The following GABRG3 variants were observed in gnomAD, a reference collection of about 807,000 sequenced individuals.
GABRG3 encodes the protein gamma-aminobutyric acid type A receptor subunit gamma3, also known as gamma-aminobutyric acid receptor subunit gamma-3.
Under a neutral mutation model 48.8 loss-of-function variants are expected in GABRG3, and 25 were observed. The ratio of observed to expected loss-of-function variants is 0.51; its 90% CI spans 0.37 to 0.72. GABRG3 has a LOEUF of 0.72. GABRG3 is among the 30% of genes least tolerant of loss of function. The pLI, the probability that GABRG3 is intolerant of heterozygous loss-of-function variation, is 0.00. For synonymous variants in GABRG3, 227 were observed against 217.6 expected (o/e 1.04, Z -0.38); for missense variants, 394 against 577.9 (o/e 0.68, Z 3.26).
intron 3 of GABRG3, among the ~76,000 whole-genome samples, chr15:27,037,327 A>C (rs2140693696): frequency 6.6e-6 from 1 of 152,334 alleles, no homozygotes; most frequent in African/African-American, 2.4e-5. Context: ...AGATTCTGTA[A>C]GAATTGAAGA....
At chr15:27,231,394 C>T (rs1355694492) in intron 3 of GABRG3, among the ~76,000 whole-genome samples, 1 of 152,158 alleles carries the variant, frequency 6.6e-6, no homozygotes, top group Non-Finnish European at 1.5e-5. Flanking sequence ...GTTTTCTTTG[C>T]AGAACAAAGC....
At chr15:27,345,107 T>G (rs1011397288) in intron 5 of GABRG3, among the ~76,000 whole-genome samples, 2 of 152,216 alleles carry the variant, frequency 1.3e-5, no homozygotes, top group African/African-American at 4.8e-5. Flanking sequence ...ATGAGTTTCT[T>G]TAGACAACAT....
chr15:27,248,767 AACACACACACACACAC>A (rs150140195), intron 3 of GABRG3, among the ~76,000 whole-genome samples: 9 of 117,004 alleles, frequency 7.7e-5, no homozygotes, highest in Non-Finnish European at 1.3e-4. Context: ...TGAGAAGGAA[AACACACACACACACAC>A]ACACACACAC....
At chr15:27,309,234 A>T (rs1452731425) in intron 3 of GABRG3, among the ~76,000 whole-genome samples, 5 of 150,932 alleles carry the variant, frequency 3.3e-5, no homozygotes, top group Non-Finnish European at 7.4e-5. Flanking sequence ...ATGTAAACAT[A>T]TATTTATATA....
At chr15:27,306,175 A>G (rs1892420339) in intron 3 of GABRG3, among the ~76,000 whole-genome samples, 2 of 134,040 alleles carry the variant, frequency 1.5e-5, no homozygotes, top group East Asian at 4.5e-4. Flanking sequence ...GTTTATATAT[A>G]AACATATAAT....
chr15:27,281,474 A>ATTT (rs200781979), intron 3 of GABRG3, among the ~76,000 whole-genome samples: 10,362 of 143,382 alleles, frequency 0.072, 751 homozygotes, highest in African/African-American at 0.18. Context: ...CCTGTGGTTA[A>ATTT]TTTTTTTTTT....
intron 3 of GABRG3, among the ~76,000 whole-genome samples, chr15:27,290,545 G>A (rs1891761865): frequency 2.0e-5 from 3 of 152,124 alleles, no homozygotes; most frequent in Admixed American, 2.0e-4. Flanking sequence ...GAGCACCACT[G>A]CACCTCTGTG....
At chr15:27,187,667 C>G (rs1888141169) in intron 3 of GABRG3, among the ~76,000 whole-genome samples, 1 of 152,042 alleles carries the variant, frequency 6.6e-6, no homozygotes, top group African/African-American at 2.4e-5. Flanking sequence ...CTTTTTGTAG[C>G]TATTGTAAAT....
intron 3 of GABRG3, among the ~76,000 whole-genome samples, chr15:27,268,757 C>T (rs36080088): frequency 0.59 from 89,504 of 151,316 alleles, 27,025 homozygotes; most frequent in Non-Finnish European, 0.65. Flanking sequence ...GTGCAGTTTG[C>T]CTTCTAACAC....
chr15:27,425,504 G>A (rs140771945), intron 5 of GABRG3, among the ~76,000 whole-genome samples: 1,999 of 150,880 alleles, frequency 0.013, 34 homozygotes, highest in African/African-American at 0.046. Context: ...CCAGCTACTC[G>A]GGAGGCTGAG....
Position 27,328,905 on chromosome 15 carries a change from G to A in GABRG3, c.574+17G>A. 1.2e-6 allele frequency: 2 copies of A among 1,608,942 alleles called. No individual in the cohort carries two copies. The highest frequency in any genetic ancestry group is 1.7e-6 in the Non-Finnish European group (2 of 1,175,290). ...TCTCCAGCTGTGAGTACCAGTCCAAGCCCGGGGTGTGCATGCTGTGTGAGG... is the reference window on the plus strand; with the variant it reads ...TCTCCAGCTGTGAGTACCAGTCCAAACCCGGGGTGTGCATGCTGTGTGAGG... On this transcript the variant is annotated intron_variant, in intron 5 of 9. Transcript: ENST00000615808.
intron 6 of GABRG3, among the ~76,000 whole-genome samples, chr15:27,490,581 G>A (rs954808642): frequency 2.0e-5 from 3 of 152,138 alleles, no homozygotes; most frequent in Admixed American, 6.5e-5. Context: ...CACAGTAGCC[G>A]TCAATTAGAT....
chr15:27,145,622 T>TATCTATC (rs1898191718), intron 3 of GABRG3, among the ~76,000 whole-genome samples: 1 of 144,800 alleles, frequency 6.9e-6, no homozygotes, highest in Admixed American at 7.0e-5. Flanking sequence ...TCTATCTATC[T>TATCTATC]ATCTATCTAT....
At chr15:27,403,349 G>A (rs1161998488) in intron 5 of GABRG3, among the ~76,000 whole-genome samples, 1 of 152,146 alleles carries the variant, frequency 6.6e-6, no homozygotes, top group Non-Finnish European at 1.5e-5. Context: ...GAGCAATGAT[G>A]TTGGAAGCAA....
At chr15:27,475,752 A>T (rs1030555614) in intron 5 of GABRG3, among the ~76,000 whole-genome samples, 1 of 151,616 alleles carries the variant, frequency 6.6e-6, no homozygotes, top group Non-Finnish European at 1.5e-5. Context: ...GATGATCGTG[A>T]TGGTGACAAT....
chr15:27,178,968 T>C (rs1277487281), intron 3 of GABRG3, among the ~76,000 whole-genome samples: 1 of 152,212 alleles, frequency 6.6e-6, no homozygotes, highest in Non-Finnish European at 1.5e-5. Flanking sequence ...GGTTCTGGTT[T>C]CTATGACCTG....
intron 5 of GABRG3, among the ~76,000 whole-genome samples, chr15:27,375,604 T>C (rs1895569128): frequency 6.6e-6 from 1 of 152,112 alleles, no homozygotes; most frequent in Admixed American, 6.5e-5. Flanking sequence ...ACGATTGTGG[T>C]GGAAGGTGAA....
chr15:27,440,277 G>A (rs1888745090), intron 5 of GABRG3, among the ~76,000 whole-genome samples: 1 of 152,210 alleles, frequency 6.6e-6, no homozygotes, highest in Non-Finnish European at 1.5e-5. Flanking sequence ...ATATTCCTGA[G>A]CCATTGTGAT....
intron 5 of GABRG3, among the ~76,000 whole-genome samples, chr15:27,342,741 T>G (rs1894227964): frequency 6.6e-6 from 1 of 152,184 alleles, no homozygotes; most frequent in African/African-American, 2.4e-5. Context: ...TGCTTTGTCT[T>G]TGATCCACAG....
Sources: allele counts gnomAD v4.1 joint callset (sites outside exome capture counted in the v4.1 genomes callset), GRCh38; gene constraint gnomAD v4.1.1; transcripts MANE v1.5; gene names NCBI Gene and HGNC (gene_info 2026-07-23, HGNC 2026-07-21).